TMCC1: variants seen among roughly 807,000 people sequenced by gnomAD.
TMCC1 encodes transmembrane and coiled-coil domains protein 1.
TMCC1 carries 15 observed loss-of-function variants against 52.4 expected under a neutral mutation model. The observed-to-expected ratio is 0.29, with a 90% confidence interval of 0.19 to 0.44. TMCC1 has a LOEUF of 0.44. TMCC1 is among the 20% of genes least tolerant of loss of function. The pLI is 1.00. For synonymous variants in TMCC1, 279 were observed against 301.9 expected (o/e 0.92, Z 0.79); for missense variants, 503 against 806.0 (o/e 0.62, Z 4.55).
At chr3:129,887,370 C>A (rs1379716147) in intron 1 of TMCC1, among the ~76,000 whole-genome samples, 1 of 151,734 alleles carries the variant, frequency 6.6e-6, no homozygotes, top group African/African-American at 2.4e-5. Flanking sequence ...GGGGGAATCC[C>A]GTCTCTATTA....
At chr3:129,829,480 G>C (rs1336580174) in intron 3 of TMCC1, among the ~76,000 whole-genome samples, 2 of 150,816 alleles carry the variant, frequency 1.3e-5, no homozygotes, top group Admixed American at 1.3e-4. Flanking sequence ...AAAAGGGAGG[G>C]GGGGATGGGA....
chr3:129,716,089 T>C (rs935914133), intron 4 of TMCC1, among the ~76,000 whole-genome samples: 1 of 152,034 alleles, frequency 6.6e-6, no homozygotes, highest in Admixed American at 6.6e-5. Flanking sequence ...CAACAGTCTA[T>C]TTACAACAAA....
chr3:129,705,896 T>C (rs1576516248), intron 4 of TMCC1, among the ~76,000 whole-genome samples: 1 of 4,156 alleles, frequency 2.4e-4, no homozygotes, highest in Non-Finnish European at 4.9e-3. Flanking sequence ...CCGGCCTTTT[T>C]TTCTTTTTTT....
chr3:129,852,702 G>A (rs747132585), intron 2 of TMCC1, among the ~76,000 whole-genome samples: 3 of 152,036 alleles, frequency 2.0e-5, no homozygotes, highest in Non-Finnish European at 2.9e-5. Context: ...TTTCTGTTAC[G>A]TGTTACCACA....
chr3:129,820,776 A>G (rs1298147790), intron 4 of TMCC1, among the ~76,000 whole-genome samples: 1 of 152,202 alleles, frequency 6.6e-6, no homozygotes, highest in Non-Finnish European at 1.5e-5. Context: ...GAAAAAAACA[A>G]CAGAATTAAA....
At chr3:129,856,618 C>G (rs2060157641) in intron 2 of TMCC1, among the ~76,000 whole-genome samples, 1 of 152,110 alleles carries the variant, frequency 6.6e-6, no homozygotes, top group South Asian at 2.1e-4. Flanking sequence ...AATTGGTTCT[C>G]AAAATAAAAC....
At chr3:129,790,409 G>A (rs1374180373) in intron 4 of TMCC1, among the ~76,000 whole-genome samples, 1 of 152,118 alleles carries the variant, frequency 6.6e-6, no homozygotes, top group East Asian at 1.9e-4. Flanking sequence ...ATAGGGGTAT[G>A]AACTACACGA....
intron 4 of TMCC1, among the ~76,000 whole-genome samples, chr3:129,788,704 G>A (rs2056228606): frequency 6.6e-6 from 1 of 151,748 alleles, no homozygotes; most frequent in Admixed American, 6.6e-5. Context: ...TCCTGACCTC[G>A]TGATCCGCCC....
chr3:129,819,976 T>G (rs2058332797), intron 4 of TMCC1: 2 of 151,596 alleles, frequency 1.3e-5, no homozygotes, highest in Non-Finnish European at 2.9e-5. Context: ...AGTTTCCCAG[T>G]GGAACCCAGG....
At chr3:129,740,812 T>C (rs1265703844) in intron 4 of TMCC1, among the ~76,000 whole-genome samples, 1 of 152,212 alleles carries the variant, frequency 6.6e-6, no homozygotes, top group Non-Finnish European at 1.5e-5. Flanking sequence ...GTCTTCTTTC[T>C]TTGACTCCTG....
At chr3:129,834,538 GAA>G (rs937607931) in intron 2 of TMCC1, among the ~76,000 whole-genome samples, 2 of 152,020 alleles carry the variant, frequency 1.3e-5, no homozygotes, top group African/African-American at 4.8e-5. Flanking sequence ...TGATATAACA[GAA>G]AATAAAGATC....
chr3:129,840,364 G>A (rs184368335), intron 2 of TMCC1, among the ~76,000 whole-genome samples: 24 of 143,488 alleles, frequency 1.7e-4, no homozygotes, highest in East Asian at 4.1e-4. Context: ...AGCTATATTC[G>A]GTCCACAAGA....
chr3:129,780,985 T>C (rs2055474263), intron 4 of TMCC1, among the ~76,000 whole-genome samples: 1 of 152,162 alleles, frequency 6.6e-6, no homozygotes, highest in South Asian at 2.1e-4. Context: ...TCAAGTCACA[T>C]GAGGCTAGTG....
At chr3:129,763,212 AAAT>A (rs1560361850) in intron 4 of TMCC1, among the ~76,000 whole-genome samples, 3,913 of 79,232 alleles carry the variant, frequency 0.049, 458 homozygotes, top group African/African-American at 0.25. Context: ...AATAAAAAAT[AAAT>A]AAATAAATAA....
chr3:129,852,544 C>G (rs548935539), intron 2 of TMCC1, among the ~76,000 whole-genome samples: 1 of 147,858 alleles, frequency 6.8e-6, no homozygotes, highest in African/African-American at 2.5e-5. Flanking sequence ...TGAGGACAGA[C>G]ATAAAATAAG....
chr3:129,682,410 T>C (rs1402893360), intron 4 of TMCC1, among the ~76,000 whole-genome samples: 1 of 152,166 alleles, frequency 6.6e-6, no homozygotes, highest in African/African-American at 2.4e-5. Flanking sequence ...AAACTGACAG[T>C]TGCATTTTGC....
intron 4 of TMCC1, among the ~76,000 whole-genome samples, chr3:129,821,114 C>T (rs1170435989): frequency 6.6e-6 from 1 of 152,142 alleles, no homozygotes; most frequent in Non-Finnish European, 1.5e-5. Context: ...GACTTTTTGA[C>T]AGCCTGTATC....
intron 4 of TMCC1, among the ~76,000 whole-genome samples, chr3:129,701,617 G>A (rs1223058835): frequency 5.9e-5 from 9 of 152,206 alleles, no homozygotes; most frequent in Non-Finnish European, 1.2e-4. Flanking sequence ...AGGAGGGCAA[G>A]AGAGGCTTTT....
At chr3:129,808,120 TG>T (rs1246923216) in intron 4 of TMCC1, among the ~76,000 whole-genome samples, 1 of 149,524 alleles carries the variant, frequency 6.7e-6, no homozygotes, top group Non-Finnish European at 1.5e-5. Flanking sequence ...GGGTCAAGGC[TG>T]TAGTGAGCTG....
Sources: allele counts gnomAD v4.1 joint callset (sites outside exome capture counted in the v4.1 genomes callset), GRCh38; gene constraint gnomAD v4.1.1; transcripts MANE v1.5; gene names NCBI Gene and HGNC (gene_info 2026-07-23, HGNC 2026-07-21).